Variants in HS1BP3 observed in about 807,000 individuals in gnomAD.
The protein encoded by HS1BP3 is HCLS1 binding protein 3.
HS1BP3 carries 32 observed loss-of-function variants against 33.5 expected under a neutral mutation model. The ratio of observed to expected loss-of-function variants is 0.95; its 90% CI spans 0.72 to 1.28. The LOEUF is 1.28. Among genes scored for constraint, HS1BP3 ranks in the 50% most tolerant of loss-of-function variants. The pLI is 0.00. For synonymous variants in HS1BP3, 187 were observed against 209.2 expected (o/e 0.89, Z 0.92); for missense variants, 486 against 502.3 (o/e 0.97, Z 0.31).
downstream of HS1BP3, among the ~76,000 whole-genome samples, chr2:20,555,793 G>C (rs1165236726): frequency 6.6e-6 from 1 of 151,954 alleles, no homozygotes; most frequent in Non-Finnish European, 1.5e-5. Flanking sequence ...TGTGAACACT[G>C]ACCTTGGTAT....
chr2:20,622,630 C>T (rs116679802), intron 6 of HS1BP3: 3,631 of 279,168 alleles, frequency 0.013, 137 homozygotes, highest in African/African-American at 0.074. Flanking sequence ...TGGGAAGTAA[C>T]GGATTTAGAA....
intron 4 of HS1BP3, among the ~76,000 whole-genome samples, chr2:20,633,540 T>C (rs1695029043): frequency 1.3e-5 from 2 of 152,190 alleles, no homozygotes; most frequent in South Asian, 4.2e-4. Flanking sequence ...TTTTGTTTTG[T>C]TTTTGAGATA....
At chr2:20,642,282 G>A (rs1695377395) in intron 2 of HS1BP3, among the ~76,000 whole-genome samples, 1 of 152,166 alleles carries the variant, frequency 6.6e-6, no homozygotes, top group Non-Finnish European at 1.5e-5. Context: ...TGCAGGGTGT[G>A]TCTGGAACAC....
downstream of HS1BP3, among the ~76,000 whole-genome samples, chr2:20,617,244 G>A (rs1180839431): frequency 6.6e-6 from 1 of 152,196 alleles, no homozygotes; most frequent in Non-Finnish European, 1.5e-5. Flanking sequence ...CTCCTACTGA[G>A]ACCTTCCGCT....
intron 5 of HS1BP3, among the ~76,000 whole-genome samples, chr2:20,564,271 T>C (rs12618552): frequency 1 from 151,663 of 152,306 alleles, 75,515 homozygotes; most frequent in Middle Eastern, 1. Context: ...ACCTCTCAGG[T>C]GGTCTACTGC....
In HS1BP3 at chr2:20,638,564, C is replaced by T. The variant is rs1558348129; in HGVS notation, c.495G>A (p.Glu165=). The change falls in exon 4 of 7, where the codon GAG becomes GAA. Residue 165 remains glutamate, a synonymous_variant. Transcript: ENST00000304031. The stretch of plus-strand genomic sequence containing the variant: ...CTTGCTCCTCAAAAAAGTCGAAAGC[C>T]TCTTCATCATTCCCTGTCTGACTGT... ...GTDSQTGNDE[E]AFDFFEEQDQ... 1 of 1,614,236 alleles carries T rather than the reference C, an allele frequency of 6.2e-7. No homozygotes were observed. The highest frequency in any genetic ancestry group is 8.5e-7 in the Non-Finnish European group (1 of 1,180,036).
chr2:20,607,769 T>G (rs1381987251), intron 2 of HS1BP3, among the ~76,000 whole-genome samples: 1 of 152,242 alleles, frequency 6.6e-6, no homozygotes, highest in Non-Finnish European at 1.5e-5. Flanking sequence ...TAGGATTAGC[T>G]TTTCCATTTC....
Position 20,618,783 on chromosome 2 carries a change from C to T in HS1BP3, c.*204G>A. 3.6e-6 allele frequency: 5 copies of T among 1,395,340 alleles called. No individual in the cohort carries two copies. The highest frequency in any genetic ancestry group is 4.6e-6 in the Non-Finnish European group (5 of 1,079,828). The allele number at this position is 1,395,340 out of a possible 1,614,324, so 86.4% of individuals were successfully genotyped here. On this transcript the variant is annotated 3_prime_UTR_variant, in exon 7 of 7. Coordinates refer to ENST00000304031, the MANE Select transcript of HS1BP3 (RefSeq NM_022460.4). ...TGGGCTCTGGCTCCTAGGGTGAGAG[C>T]CGCTCCCGCAGCCCGCAGGCTTCTA...
At chr2:20,598,394 T>C (rs1248846091) in intron 2 of HS1BP3, 2 of 200,434 alleles carry the variant, frequency 1.0e-5, no homozygotes, top group Admixed American at 4.9e-5. Context: ...GAGAATCTAA[T>C]GCTGCCGCTG....
At chr2:20,582,005 G>A (rs953942981) in intron 5 of HS1BP3, among the ~76,000 whole-genome samples, 1 of 152,212 alleles carries the variant, frequency 6.6e-6, no homozygotes, top group African/African-American at 2.4e-5. Flanking sequence ...TCACCTGATT[G>A]AGCCAGGCCT....
At chr2:20,565,376 C>T (rs1053447981) in intron 5 of HS1BP3, among the ~76,000 whole-genome samples, 1 of 152,220 alleles carries the variant, frequency 6.6e-6, no homozygotes, top group African/African-American at 2.4e-5. Flanking sequence ...CTTCCTGACC[C>T]TCCTGTCCAC....
At chr2:20,629,849 C>G (rs1694916495) in intron 4 of HS1BP3, among the ~76,000 whole-genome samples, 1 of 152,218 alleles carries the variant, frequency 6.6e-6, no homozygotes, top group South Asian at 2.1e-4. Flanking sequence ...GCTGACAGCT[C>G]CAATGCTCAG....
Position 20,624,801 on chromosome 2 carries a change from C to T in HS1BP3, c.715G>A (p.Glu239Lys), listed in dbSNP as rs569287360. 2.9e-5 allele frequency: 46 copies of T among 1,613,698 alleles called. No individual in the cohort carries two copies. In the South Asian group the frequency reaches 4.8e-4, roughly 17 times the overall value. ...TIFDEEVDPD[E>K]GLFGPGRKLS... ...TTCCTGCCCGGGCCAAAGAGCCCCTCATCAGGGTCCACCTCCTCGTCAAAG... is the reference window on the plus strand; with the variant it reads ...TTCCTGCCCGGGCCAAAGAGCCCCTTATCAGGGTCCACCTCCTCGTCAAAG... The change falls in exon 5 of 7, where the codon GAG becomes AAG. Residue 239 changes from glutamate to lysine, a missense_variant. Transcript: ENST00000304031.
At chr2:20,636,244 T>C (rs1366753135) in intron 4 of HS1BP3, 1 of 152,140 alleles carries the variant, frequency 6.6e-6, no homozygotes, top group African/African-American at 2.4e-5. Context: ...TGGGTGTCTG[T>C]GAAAGGCCGA....
intron 4 of HS1BP3, among the ~76,000 whole-genome samples, chr2:20,633,576 G>A (rs7609280): frequency 0.16 from 24,714 of 152,222 alleles, 2,248 homozygotes; most frequent in Non-Finnish European, 0.2. Context: ...AGGCTGGAGT[G>A]CAGTGGCACA....
At chr2:20,623,673 C>G (rs1694674883) in intron 6 of HS1BP3, 2 of 451,160 alleles carry the variant, frequency 4.4e-6, no homozygotes. Context: ...ACACAAAGTT[C>G]TCTCTTTCTG....
chr2:20,566,156 T>C (rs1375025619), intron 5 of HS1BP3, among the ~76,000 whole-genome samples: 1 of 152,234 alleles, frequency 6.6e-6, no homozygotes, highest in Non-Finnish European at 1.5e-5. Context: ...ATCCCGGCAC[T>C]GACAGGGAGT....
At chr2:20,577,001 A>G (rs1049888021) in intron 5 of HS1BP3, among the ~76,000 whole-genome samples, 2 of 152,200 alleles carry the variant, frequency 1.3e-5, no homozygotes, top group Non-Finnish European at 2.9e-5. Flanking sequence ...GTTCCTGGGA[A>G]TGCCCTGGGA....
chr2:20,633,682 C>G (rs527254809), intron 4 of HS1BP3, among the ~76,000 whole-genome samples: 1 of 152,144 alleles, frequency 6.6e-6, no homozygotes, highest in Non-Finnish European at 1.5e-5. Flanking sequence ...CCCATCATAC[C>G]CAGCTAATTT....
Sources: allele counts gnomAD v4.1 joint callset (sites outside exome capture counted in the v4.1 genomes callset), GRCh38; gene constraint gnomAD v4.1.1; transcripts MANE v1.5; gene names NCBI Gene and HGNC (gene_info 2026-07-23, HGNC 2026-07-21).